AGMO: variants seen among roughly 807,000 people sequenced by gnomAD.
AGMO encodes glyceryl-ether monooxygenase.
A neutral mutation model predicts 60.2 loss-of-function variants in AGMO; 75 were observed. That is an observed-to-expected ratio of 1.25 (90% confidence interval 1.03 to 1.51). The LOEUF (loss-of-function observed/expected upper bound fraction) is 1.51, where lower values mean the gene tolerates loss of function less well. AGMO is among the 40% of genes most tolerant of loss of function. The pLI is 0.00. For synonymous variants in AGMO, 261 were observed against 177.1 expected, an observed-to-expected ratio of 1.47 and a Z score of -3.76; for missense variants, 763 against 525.5, an observed-to-expected ratio of 1.45 and a Z score of -4.42.
intron 3 of AGMO, among the ~76,000 whole-genome samples, chr7:15,436,791 C>T (rs1024534470): frequency 6.6e-6 from 1 of 152,108 alleles, no homozygotes; most frequent in Non-Finnish European, 1.5e-5. Context: ...GTGACTGGGT[C>T]CAAGTATTCT....
At chr7:15,132,012 C>T in the AGMO span, among the ~76,000 whole-genome samples, 4,310 of 152,050 alleles carry the variant, frequency 0.028, 212 homozygotes, top group African/African-American at 0.099. Flanking sequence ...TATCAGAAAG[C>T]GGGGAATTAG....
rs182760778 is a variant in AGMO, at chr7:15,493,062, G to C, written c.409+51710C>G. On this transcript the variant is annotated intron_variant, in intron 3 of 12. Coordinates refer to ENST00000342526, the MANE Select transcript of AGMO (RefSeq NM_001004320.2). ...ATAGATTCCTAAGAGTGGAAGGGTT[G>C]TTTCAAACTTCATGTGTAAACATTT... Among the ~76,000 whole-genome samples the C allele has an allele frequency of 6.2e-3, 946 of 152,214 alleles. 9 individuals carry two copies. Among genetic ancestry groups the C allele is most frequent in the South Asian group, 0.015 (71 of 4,832 alleles).
intron 3 of AGMO, among the ~76,000 whole-genome samples, chr7:15,454,368 C>CAA (rs1554274321): frequency 1.9e-5 from 2 of 107,246 alleles, no homozygotes; most frequent in Admixed American, 8.8e-5. Flanking sequence ...CACACACACA[C>CAA]ACACACACAC....
chr7:15,474,464 T>A (rs1583590096), intron 3 of AGMO, among the ~76,000 whole-genome samples: 1 of 152,252 alleles, frequency 6.6e-6, no homozygotes, highest in East Asian at 1.9e-4. Context: ...CCCTATTTAA[T>A]AACTGGTGTC....
At chr7:15,500,696 G>C (rs1174024648) in intron 3 of AGMO, among the ~76,000 whole-genome samples, 4 of 151,810 alleles carry the variant, frequency 2.6e-5, no homozygotes, top group African/African-American at 9.7e-5. Flanking sequence ...CTTCAGTTCA[G>C]CTCTGATTTG....
At chr7:15,364,136 G>A (rs943533495) in intron 12 of AGMO, among the ~76,000 whole-genome samples, 4 of 151,730 alleles carry the variant, frequency 2.6e-5, no homozygotes, top group Admixed American at 1.3e-4. Context: ...TATATATAAT[G>A]TGTATATATA....
chr7:15,490,089 T>C (rs1783032739), intron 3 of AGMO, among the ~76,000 whole-genome samples: 1 of 152,234 alleles, frequency 6.6e-6, no homozygotes, highest in South Asian at 2.1e-4. Context: ...TGGTTCTTAC[T>C]TTTAGAAGTC....
intron 10 of AGMO, among the ~76,000 whole-genome samples, chr7:15,373,495 G>A (rs1783311760): frequency 6.6e-6 from 1 of 152,040 alleles, no homozygotes; most frequent in Non-Finnish European, 1.5e-5. Context: ...ATGAATGTGT[G>A]GGAATTCTTC....
chr7:15,300,585 A>C (rs1345562358), intron 12 of AGMO, among the ~76,000 whole-genome samples: 1 of 152,204 alleles, frequency 6.6e-6, no homozygotes, highest in Admixed American at 6.5e-5. Context: ...CCTTCAAAAG[A>C]AAGCAGCAAT....
intron 2 of AGMO, among the ~76,000 whole-genome samples, chr7:15,549,459 A>G (rs1784883470): frequency 6.6e-6 from 1 of 152,072 alleles, no homozygotes; most frequent in African/African-American, 2.4e-5. Context: ...TCAAAATAAA[A>G]GGATGGAGGA....
At chr7:15,144,441 TA>T in the AGMO span, among the ~76,000 whole-genome samples, 2 of 152,220 alleles carry the variant, frequency 1.3e-5, no homozygotes, top group Non-Finnish European at 2.9e-5. Context: ...AGTGTTTGTT[TA>T]CCTGTTACCC....
At chr7:15,246,907 A>G (rs897003271) in intron 12 of AGMO, among the ~76,000 whole-genome samples, 1 of 152,080 alleles carries the variant, frequency 6.6e-6, no homozygotes, top group African/African-American at 2.4e-5. Flanking sequence ...TCTATTTTCC[A>G]TCATTCCTTC....
chr7:15,385,507 T>C lies in AGMO; in HGVS notation c.1013A>G (p.Tyr338Cys). 1.2e-6 allele frequency: 2 copies of C among 1,613,540 alleles called. No homozygotes were observed. The highest frequency in any genetic ancestry group is 1.7e-6 in the Non-Finnish European group (2 of 1,179,636). Residue 338 changes from tyrosine (Y) to cysteine (C), a missense_variant, in exon 10 of 13, where the codon TAT becomes TGT. Transcript: ENST00000342526. ...SSSSSQLLKI[Y>C]TVVQFALMLA... ...CATCAGAGCAAACTGTACAACTGTA[T>C]ATATCTTTAATAGCTGAGATGAAGA...
At chr7:15,219,862 A>G (rs1437673638) in intron 12 of AGMO, among the ~76,000 whole-genome samples, 2 of 152,322 alleles carry the variant, frequency 1.3e-5, no homozygotes, top group East Asian at 1.9e-4. Context: ...CTAAGAAAAT[A>G]TATCTATGCT....
chr7:15,541,425 C>T (rs981313580), intron 3 of AGMO, among the ~76,000 whole-genome samples: 1 of 152,096 alleles, frequency 6.6e-6, no homozygotes, highest in Non-Finnish European at 1.5e-5. Flanking sequence ...CAGCCTAATG[C>T]ATTATTTTTA....
intron 3 of AGMO, among the ~76,000 whole-genome samples, chr7:15,446,127 T>C (rs1429179595): frequency 6.6e-6 from 1 of 152,166 alleles, no homozygotes; most frequent in African/African-American, 2.4e-5. Context: ...AAGCAAAATA[T>C]TGTCAAAGCC....
At chr7:15,325,106 G>A (rs1370812155) in intron 12 of AGMO, among the ~76,000 whole-genome samples, 1 of 152,118 alleles carries the variant, frequency 6.6e-6, no homozygotes, top group African/African-American at 2.4e-5. Flanking sequence ...AGTAACATTT[G>A]AATAAAAAGA....
chr7:15,253,969 G>A (rs566254336), intron 12 of AGMO, among the ~76,000 whole-genome samples: 2 of 151,780 alleles, frequency 1.3e-5, no homozygotes, highest in South Asian at 4.2e-4. Context: ...TCCTGTGCCT[G>A]GATTGTTTCA....
chr7:15,428,905 A>G lies in AGMO; in HGVS notation c.513+2100T>C, dbSNP rs1015116218. On this transcript the variant is annotated intron_variant, in intron 4 of 12. Transcript: ENST00000342526. ...TCAGAAGAGAGTAAAGATTTTGGAG[A>G]CCAGCCATATATCCAGCCTATATAT... Among the ~76,000 whole-genome samples the G allele has an allele frequency of 2.0e-5, 3 of 152,022 alleles. No individual in the cohort carries two copies. In the East Asian group the frequency reaches 5.8e-4, roughly 29 times the overall value.
Sources: gnomAD v4.1 joint callset for allele counts (sites outside exome capture counted in the v4.1 genomes callset) on GRCh38, gnomAD v4.1.1 for gene constraint, MANE v1.5 for transcripts, NCBI Gene and HGNC (gene_info 2026-07-23, HGNC 2026-07-21) for gene names.